Variants in DAB1 observed in about 807,000 individuals in gnomAD.
DAB1 encodes the protein DAB adaptor protein 1.
Under a neutral mutation model 64.6 loss-of-function variants are expected in DAB1, and 15 were observed. That is an observed-to-expected ratio of 0.23 (90% CI 0.16 to 0.36). The LOEUF (loss-of-function observed/expected upper bound fraction) is 0.36, where lower values mean the gene tolerates loss of function less well. Ranked by LOEUF, DAB1 falls within the 10% of genes least tolerant of loss-of-function variation. DAB1 has a pLI of 1.00. For synonymous variants in DAB1, 235 were observed against 251.9 expected, an observed-to-expected ratio of 0.93 and a Z score of 0.64; for missense variants, 596 against 706.7, an observed-to-expected ratio of 0.84 and a Z score of 1.78.
chr1:57,258,387 C>T (rs1249148792), intron 2 of DAB1, among the ~76,000 whole-genome samples: 2 of 152,084 alleles, frequency 1.3e-5, no homozygotes, highest in Admixed American at 1.3e-4. Context: ...CATCATCCTC[C>T]CTGGGATGGT....
At chr1:58,046,967 G>A (rs1647283474) in intron 5 of DAB1, among the ~76,000 whole-genome samples, 1 of 152,172 alleles carries the variant, frequency 6.6e-6, no homozygotes, top group South Asian at 2.1e-4. Flanking sequence ...GTGACCTTGG[G>A]CAAAGTTGCT....
chr1:58,313,637 C>T (rs554828100), intron 4 of DAB1, among the ~76,000 whole-genome samples: 4 of 152,162 alleles, frequency 2.6e-5, no homozygotes, highest in African/African-American at 9.6e-5. Flanking sequence ...AAAAGTAACC[C>T]GGTGTGTCAG....
chr1:57,468,358 T>C (rs1278954276), intron 7 of DAB1, among the ~76,000 whole-genome samples: 5 of 152,156 alleles, frequency 3.3e-5, no homozygotes, highest in Non-Finnish European at 7.3e-5. Flanking sequence ...TGTGGAACAA[T>C]TGACGGAGTA....
At chr1:57,018,319 C>T (rs570313138) in intron 11 of DAB1, among the ~76,000 whole-genome samples, 2 of 152,316 alleles carry the variant, frequency 1.3e-5, no homozygotes, top group South Asian at 4.2e-4. Flanking sequence ...CCTGGACTTA[C>T]AGCTGTGGCT....
chr1:57,855,747 A>G lies in DAB1; in HGVS notation n.87+28252T>C, dbSNP rs187912696. Among the ~76,000 whole-genome samples, 203 of 152,332 alleles carry G rather than the reference A, an allele frequency of 1.3e-3. 1 individual carries two copies. Among genetic ancestry groups the G allele is most frequent in the Non-Finnish European group, 2.6e-3 (175 of 68,038 alleles). ...CAGACCATGATAGTCTTGTAGGGCC[A>G]GCACAGCACTTTGGGTTCCAAGCAC... On this transcript the variant is annotated intron_variant and non_coding_transcript_variant, in intron 1 of 1. Transcript: ENST00000477280.
chr1:57,795,882 GA>G (rs1196992404), intron 6 of DAB1, among the ~76,000 whole-genome samples: 2 of 151,000 alleles, frequency 1.3e-5, no homozygotes, highest in East Asian at 3.9e-4. Context: ...AGTATAGTGG[GA>G]AAAATAACTC....
At chr1:58,232,152 C>T (rs1414564313) in intron 4 of DAB1, among the ~76,000 whole-genome samples, 1 of 152,142 alleles carries the variant, frequency 6.6e-6, no homozygotes, top group Non-Finnish European at 1.5e-5. Flanking sequence ...AACCAAAAGC[C>T]AAAATACCTG....
chr1:58,514,271 T>G (rs1214755612), intron 2 of DAB1, among the ~76,000 whole-genome samples: 1 of 152,148 alleles, frequency 6.6e-6, no homozygotes. Context: ...ATAAATTCAG[T>G]GGGATATGAT....
chr1:57,424,620 C>G (rs1182635738), upstream of DAB1, among the ~76,000 whole-genome samples: 1 of 152,194 alleles, frequency 6.6e-6, no homozygotes, highest in Admixed American at 6.5e-5. Flanking sequence ...TATGCATACC[C>G]AAATATATGG....
chr1:57,331,296 C>A (rs999753739), intron 1 of DAB1, among the ~76,000 whole-genome samples: 1 of 152,186 alleles, frequency 6.6e-6, no homozygotes, highest in Non-Finnish European at 1.5e-5. Flanking sequence ...TTCATGAGGG[C>A]TCTCATGTTT....
In DAB1 at chr1:57,894,332, C is replaced by T. The variant is rs145510442; in HGVS notation, n.388-10170G>A. Among the ~76,000 whole-genome samples, 540 of 152,290 alleles carry T rather than the reference C, an allele frequency of 3.5e-3. 6 individuals carry two copies. Among genetic ancestry groups the T allele is most frequent in the Non-Finnish European group, 5.2e-3 (356 of 68,026 alleles). Reference sequence around the variant, plus strand: ...TCTAAGGAGGCAAGAATTGACATTGCTGAGGACCTGCATGGATTTGCCACT... The same window carrying T: ...TCTAAGGAGGCAAGAATTGACATTGTTGAGGACCTGCATGGATTTGCCACT... On this transcript the variant is annotated intron_variant and non_coding_transcript_variant, in intron 5 of 20. Coordinates refer to the DAB1 transcript ENST00000485760.
intron 7 of DAB1, among the ~76,000 whole-genome samples, chr1:57,595,078 A>T (rs1645490905): frequency 6.6e-6 from 1 of 152,196 alleles, no homozygotes; most frequent in African/African-American, 2.4e-5. Context: ...GTTGATTTTT[A>T]AAAATCCATT....
intron 7 of DAB1, among the ~76,000 whole-genome samples, chr1:57,594,868 GC>G (rs1324646149): frequency 6.6e-6 from 1 of 151,758 alleles, no homozygotes; most frequent in Non-Finnish European, 1.5e-5. Context: ...CTGCCACCAC[GC>G]CTGGCTAATT....
At chr1:58,287,478 G>T (rs928982223) in intron 4 of DAB1, among the ~76,000 whole-genome samples, 10 of 152,244 alleles carry the variant, frequency 6.6e-5, no homozygotes, top group African/African-American at 2.4e-4. Context: ...ACTACCTTGG[G>T]CTGGATGCAT....
At chr1:58,426,046 G>T (rs979319968) in intron 3 of DAB1, among the ~76,000 whole-genome samples, 9 of 152,204 alleles carry the variant, frequency 5.9e-5, no homozygotes, top group Non-Finnish European at 1.2e-4. Context: ...AAGTACAGGA[G>T]TGGAACTTAA....
chr1:58,021,911 G>T (rs1471545281), intron 5 of DAB1, among the ~76,000 whole-genome samples: 1 of 152,168 alleles, frequency 6.6e-6, no homozygotes, highest in African/African-American at 2.4e-5. Context: ...GAAGCAGAAG[G>T]GGGTTGGGAA....
intron 5 of DAB1, among the ~76,000 whole-genome samples, chr1:58,129,110 T>G (rs1339441555): frequency 6.7e-6 from 1 of 150,044 alleles, no homozygotes; most frequent in African/African-American, 2.5e-5. Context: ...GTTGGTAAGC[T>G]ATTGATTATT....
intron 5 of DAB1, among the ~76,000 whole-genome samples, chr1:58,040,034 G>A (rs149179254): frequency 6.6e-6 from 1 of 152,130 alleles, no homozygotes; most frequent in Non-Finnish European, 1.5e-5. Context: ...TAAGGGGTGG[G>A]CAGCTGGGAG....
chr1:57,832,818 CA>C (rs1470993041), intron 1 of DAB1, among the ~76,000 whole-genome samples: 1 of 152,062 alleles, frequency 6.6e-6, no homozygotes, highest in African/African-American at 2.4e-5. Context: ...TCCAAGGGAA[CA>C]GGGCTCAGAT....
Sources: gnomAD v4.1 joint callset for allele counts (sites outside exome capture counted in the v4.1 genomes callset) on GRCh38, gnomAD v4.1.1 for gene constraint, MANE v1.5 for transcripts, NCBI Gene and HGNC (gene_info 2026-07-23, HGNC 2026-07-21) for gene names.